The following LAMA1 variants were observed in gnomAD, a reference collection of about 807,000 sequenced individuals.
The protein encoded by LAMA1 is laminin subunit alpha-1.
A neutral mutation model predicts 348.7 loss-of-function variants in LAMA1; 219 were observed. The observed-to-expected ratio is 0.63, with a 90% CI of 0.56 to 0.70. LAMA1 has a LOEUF of 0.70. Among genes scored for constraint, LAMA1 ranks in the 30% least tolerant of loss-of-function variants. The pLI, the probability that LAMA1 is intolerant of heterozygous loss-of-function variation, is 0.00. For synonymous variants in LAMA1, 1,487 were observed against 1,491.0 expected (o/e 1.00, Z 0.06); for missense variants, 3,744 against 3,888.0 (o/e 0.96, Z 0.99).
intron 60 of LAMA1, among the ~76,000 whole-genome samples, chr18:6,948,037 C>T (rs2057530002): frequency 6.6e-6 from 1 of 152,192 alleles, no homozygotes; most frequent in African/African-American, 2.4e-5. Context: ...TCTGCACAGC[C>T]TCCCTGGCGC....
At chr18:6,992,875 A>C (rs557061367) in intron 35 of LAMA1, among the ~76,000 whole-genome samples, 155 bp from the exon 36 acceptor site, 3 of 152,266 alleles carry the variant, frequency 2.0e-5, no homozygotes, top group African/African-American at 7.2e-5. Context: ...ATCCCAGTGT[A>C]CTCTGCACAT....
intron 29 of LAMA1, among the ~76,000 whole-genome samples, chr18:7,005,915 G>A (rs2057829885): frequency 6.6e-6 from 1 of 152,154 alleles, no homozygotes; most frequent in South Asian, 2.1e-4. Context: ...AATGTGGCGG[G>A]AGGCAGGTTG....
chr18:7,095,150 CTCTCTCT>C (rs2058256020), intron 1 of LAMA1, among the ~76,000 whole-genome samples: 2 of 114,992 alleles, frequency 1.7e-5, no homozygotes, highest in African/African-American at 6.5e-5. Context: ...CTCTCTCTCT[CTCTCTCT>C]CCTCTGCTGT....
chr18:7,085,289 T>C (rs1207987988), intron 1 of LAMA1, among the ~76,000 whole-genome samples: 1 of 152,050 alleles, frequency 6.6e-6, no homozygotes, highest in Admixed American at 6.6e-5. Context: ...ATGGAGAAAT[T>C]TGGAAAAGTA....
At chr18:7,067,099 G>C (rs7227511) in intron 3 of LAMA1, among the ~76,000 whole-genome samples, 20,862 of 152,146 alleles carry the variant, frequency 0.14, 4,752 homozygotes, top group African/African-American at 0.47. Flanking sequence ...GAAATTGGTA[G>C]CACCTGGCTC....
chr18:7,002,421 G>T, intron 29 of LAMA1, 36 bp from the exon 30 acceptor site: 1 of 1,580,396 alleles, frequency 6.3e-7, no homozygotes, highest in South Asian at 1.1e-5. Flanking sequence ...GGGAAAAAAT[G>T]GGAAATTGTT....
At chr18:7,036,500 CTAGT>C (rs2144171737) in intron 12 of LAMA1, among the ~76,000 whole-genome samples, 2 of 152,254 alleles carry the variant, frequency 1.3e-5, no homozygotes, top group South Asian at 2.1e-4. Flanking sequence ...GTCTGATTTG[CTAGT>C]TAGAGAAAGG....
chr18:6,979,739 A>G (rs904781473), intron 42 of LAMA1, among the ~76,000 whole-genome samples: 3 of 151,968 alleles, frequency 2.0e-5, no homozygotes, highest in Non-Finnish European at 4.4e-5. Context: ...CTCTACTAAA[A>G]ATACAAAAAA....
At chr18:7,092,481 C>T (rs1267428927) in intron 1 of LAMA1, among the ~76,000 whole-genome samples, 1 of 152,056 alleles carries the variant, frequency 6.6e-6, no homozygotes, top group Non-Finnish European at 1.5e-5. Flanking sequence ...AAAAAATTAG[C>T]CGGGCGTGGT....
intron 28 of LAMA1, among the ~76,000 whole-genome samples, chr18:7,008,202 GA>G (rs2057842010): frequency 6.6e-6 from 1 of 152,106 alleles, no homozygotes; most frequent in Non-Finnish European, 1.5e-5. Flanking sequence ...AGTGTTTAAT[GA>G]GTGCAGAGTT....
intron 1 of LAMA1, among the ~76,000 whole-genome samples, chr18:7,097,602 A>G (rs1325974213): frequency 1.3e-5 from 2 of 151,840 alleles, no homozygotes; most frequent in African/African-American, 4.8e-5. Context: ...ACAAAGTTGA[A>G]TGACTTACAC....
At chr18:6,946,272 G>A (rs1393061278) in intron 61 of LAMA1, among the ~76,000 whole-genome samples, 2 of 152,040 alleles carry the variant, frequency 1.3e-5, no homozygotes, top group African/African-American at 2.4e-5. Context: ...ATCTCATAAG[G>A]ATACCTACTG....
chr18:6,962,140 G>T, intron 51 of LAMA1, 81 bp from the exon 52 acceptor site: 11 of 952,308 alleles, frequency 1.2e-5, no homozygotes, highest in Non-Finnish European at 1.9e-5. Context: ...AAAGCCACTG[G>T]GCAAGGCACA....
At chr18:7,052,577 A>G (rs998896242) in intron 3 of LAMA1, among the ~76,000 whole-genome samples, 17 of 152,206 alleles carry the variant, frequency 1.1e-4, no homozygotes, top group East Asian at 1.9e-4. Context: ...ATACAAAAAA[A>G]TTAGCCGGCC....
chr18:6,963,575 G>A (rs1208425433), intron 51 of LAMA1, among the ~76,000 whole-genome samples: 1 of 152,196 alleles, frequency 6.6e-6, no homozygotes, highest in Non-Finnish European at 1.5e-5. Context: ...CATAGCAACT[G>A]AATGGCTGCA....
chr18:6,998,264 G>C (rs756302785), intron 32 of LAMA1, among the ~76,000 whole-genome samples: 1 of 152,158 alleles, frequency 6.6e-6, no homozygotes, highest in Non-Finnish European at 1.5e-5. Flanking sequence ...GGGAAGAGGG[G>C]TGAACACACG....
chr18:7,010,168 A>C, intron 26 of LAMA1, 32 bp downstream of exon 26: 1 of 1,609,598 alleles, frequency 6.2e-7, no homozygotes. Context: ...CAATGTCTTT[A>C]AGGAACTTCT....
chr18:6,948,382 G>A (rs375597934), intron 60 of LAMA1, 21 bp downstream of exon 60: 16 of 1,613,938 alleles, frequency 9.9e-6, no homozygotes, highest in Middle Eastern at 1.6e-4. Flanking sequence ...GACTGCCTTC[G>A]AGAGTGTTGC....
At chr18:6,986,538 A>G (rs937527032) in intron 36 of LAMA1, among the ~76,000 whole-genome samples, 191 bp from the exon 37 acceptor site, 1 of 130,178 alleles carries the variant, frequency 7.7e-6, no homozygotes, top group East Asian at 2.3e-4. Flanking sequence ...TTTATATTTT[A>G]TCCTTAACAA....
Sources: gnomAD v4.1 joint callset for allele counts (sites outside exome capture counted in the v4.1 genomes callset) on GRCh38, gnomAD v4.1.1 for gene constraint, MANE v1.5 for transcripts, NCBI Gene and HGNC (gene_info 2026-07-23, HGNC 2026-07-21) for gene names.